Variants in SNX29 observed in about 807,000 individuals in gnomAD.
The protein encoded by SNX29 is sorting nexin 29.
In SNX29, 78 loss-of-function variants were observed where a neutral mutation model predicts 102.1. That is an observed-to-expected ratio of 0.76 (90% CI 0.64 to 0.92). The LOEUF (loss-of-function observed/expected upper bound fraction) is 0.92, where lower values mean the gene tolerates loss of function less well. Among genes scored for constraint, SNX29 ranks in the 40% least tolerant of loss-of-function variants. The probability of loss-of-function intolerance (pLI) is 0.00; values close to 1 mark genes in which losing one functional copy is unlikely to be tolerated. For missense variants in SNX29, 1,280 were observed against 1,061.7 expected (o/e 1.21, Z -2.86); for synonymous variants, 580 against 414.5 (o/e 1.40, Z -4.85).
chr16:12,198,568 AGG>A (rs1314858112), intron 13 of SNX29, among the ~76,000 whole-genome samples: 1 of 152,200 alleles, frequency 6.6e-6, no homozygotes, highest in South Asian at 2.1e-4. Flanking sequence ...CCTGAGGTGT[AGG>A]GGGTGGGGCA....
intron 15 of SNX29, among the ~76,000 whole-genome samples, chr16:12,330,291 A>G (rs1301317834): frequency 6.6e-6 from 1 of 151,800 alleles, no homozygotes; most frequent in Non-Finnish European, 1.5e-5. Flanking sequence ...ACATGGCGAA[A>G]CCCCATTTCC....
intron 8 of SNX29, among the ~76,000 whole-genome samples, chr16:12,054,490 A>T (rs1487138193): frequency 6.6e-6 from 1 of 152,252 alleles, no homozygotes; most frequent in Non-Finnish European, 1.5e-5. Context: ...CATCCAATCC[A>T]TTGAAGGCCT....
chr16:12,552,761 G>T (rs1211093423), intron 20 of SNX29, among the ~76,000 whole-genome samples: 1 of 152,234 alleles, frequency 6.6e-6, no homozygotes, highest in Non-Finnish European at 1.5e-5. Context: ...CTGATTTAAG[G>T]TATGAATTCA....
intron 14 of SNX29, among the ~76,000 whole-genome samples, chr16:12,215,706 C>T (rs2077306397): frequency 6.6e-6 from 1 of 152,180 alleles, no homozygotes; most frequent in African/African-American, 2.4e-5. Context: ...ACCCAGAATT[C>T]CTCAGCTTGC....
chr16:12,136,820 A>G (rs993311586), intron 13 of SNX29, among the ~76,000 whole-genome samples: 2 of 151,890 alleles, frequency 1.3e-5, no homozygotes, highest in Non-Finnish European at 2.9e-5. Context: ...GCTCACTGCA[A>G]CCTCCACCTC....
chr16:12,356,557 A>G (rs2082142996), intron 16 of SNX29, among the ~76,000 whole-genome samples: 2 of 152,138 alleles, frequency 1.3e-5, no homozygotes, highest in South Asian at 4.1e-4. Flanking sequence ...ATCTTTCCAT[A>G]CTTTACTACA....
intron 19 of SNX29, among the ~76,000 whole-genome samples, chr16:12,501,557 A>C (rs1429442833): frequency 2.6e-5 from 4 of 151,990 alleles, no homozygotes; most frequent in Admixed American, 6.5e-5. Context: ...CGTCATCTCT[A>C]CTAAAAATAC....
Position 12,288,150 on chromosome 16 carries a change from G to A in SNX29, c.1782+10114G>A, listed in dbSNP as rs146647502. Reference sequence around the variant, plus strand: ...CTGCAGTGAGCTATTGAAGTAGGAGGTGGGACTTGACTCCAGAGGCGGGAC... The same window carrying A: ...CTGCAGTGAGCTATTGAAGTAGGAGATGGGACTTGACTCCAGAGGCGGGAC... On this transcript the variant is annotated intron_variant, in intron 15 of 20. Coordinates refer to ENST00000566228, the MANE Select transcript of SNX29 (RefSeq NM_032167.5). Among the ~76,000 whole-genome samples, 636 of 152,268 alleles carry A rather than the reference G, an allele frequency of 4.2e-3. 5 individuals are homozygous for A. The highest frequency in any genetic ancestry group is 0.017 in the Middle Eastern group (5 of 294).
chr16:12,246,711 A>G (rs147881403), intron 14 of SNX29, among the ~76,000 whole-genome samples: 5 of 152,298 alleles, frequency 3.3e-5, no homozygotes, highest in African/African-American at 7.2e-5. Context: ...GTCAGGCTTT[A>G]TATGTGACCA....
intron 19 of SNX29, among the ~76,000 whole-genome samples, chr16:12,481,839 C>T (rs910819630): frequency 3.9e-5 from 6 of 152,182 alleles, no homozygotes; most frequent in African/African-American, 1.2e-4. Context: ...GGGCCATACC[C>T]GGCCCCATGA....
chr16:12,195,806 A>T (rs1455017131), intron 13 of SNX29, among the ~76,000 whole-genome samples: 4 of 152,110 alleles, frequency 2.6e-5, no homozygotes, highest in African/African-American at 9.7e-5. Context: ...CATCTGTAAA[A>T]TGGGCACAGT....
intron 13 of SNX29, among the ~76,000 whole-genome samples, chr16:12,185,452 C>T (rs1272949885): frequency 1.3e-5 from 2 of 152,154 alleles, no homozygotes; most frequent in Non-Finnish European, 2.9e-5. Context: ...CCTTCTTTCC[C>T]TCCCTCCTCT....
chr16:12,064,615 C>T (rs1437264329), intron 9 of SNX29, among the ~76,000 whole-genome samples: 1 of 152,222 alleles, frequency 6.6e-6, no homozygotes, highest in Non-Finnish European at 1.5e-5. Context: ...TAGGGAGAAA[C>T]ATTATTCCAG....
intron 20 of SNX29, among the ~76,000 whole-genome samples, chr16:12,567,796 A>C (rs371097568): frequency 1.3e-5 from 2 of 152,040 alleles, no homozygotes; most frequent in South Asian, 2.1e-4. Context: ...CAACCACATC[A>C]CAGGACTTCC....
At chr16:12,407,518 C>T (rs7198181) in intron 18 of SNX29, among the ~76,000 whole-genome samples, 4 of 152,150 alleles carry the variant, frequency 2.6e-5, no homozygotes, top group African/African-American at 9.7e-5. Flanking sequence ...GCATGATGCT[C>T]TATGAATGAT....
chr16:12,532,871 G>A (rs954496624), intron 20 of SNX29, among the ~76,000 whole-genome samples: 1 of 152,224 alleles, frequency 6.6e-6, no homozygotes, highest in Non-Finnish European at 1.5e-5. Context: ...TCCCCTGCGT[G>A]AGAGAGCTGC....
chr16:12,315,012 T>G (rs1354454548), intron 15 of SNX29, among the ~76,000 whole-genome samples: 2 of 152,232 alleles, frequency 1.3e-5, no homozygotes, highest in Non-Finnish European at 2.9e-5. Flanking sequence ...GGCTGGCATT[T>G]GACAGGCAAT....
intron 16 of SNX29, among the ~76,000 whole-genome samples, chr16:12,391,329 C>T (rs931585172): frequency 6.6e-6 from 1 of 152,156 alleles, no homozygotes; most frequent in Non-Finnish European, 1.5e-5. Flanking sequence ...ATTAATTAAC[C>T]ATCGGGTACT....
chr16:12,232,675 A>C (rs2077805971), intron 14 of SNX29, among the ~76,000 whole-genome samples: 1 of 152,230 alleles, frequency 6.6e-6, no homozygotes, highest in Non-Finnish European at 1.5e-5. Flanking sequence ...CCCCAAAGCC[A>C]ACAAGGACCC....
Sources: allele counts gnomAD v4.1 joint callset (sites outside exome capture counted in the v4.1 genomes callset), GRCh38; gene constraint gnomAD v4.1.1; transcripts MANE v1.5; gene names NCBI Gene and HGNC (gene_info 2026-07-23, HGNC 2026-07-21).